KATNIP: variants seen among roughly 807,000 people sequenced by gnomAD.
The protein encoded by KATNIP is katanin-interacting protein.
KATNIP carries 126 observed loss-of-function variants against 174.0 expected under a neutral mutation model. The ratio of observed to expected loss-of-function variants is 0.72; its 90% CI spans 0.63 to 0.84. The LOEUF is 0.84. KATNIP is among the 40% of genes least tolerant of loss of function. The pLI is 0.00. For synonymous variants in KATNIP, 810 were observed against 835.7 expected, an observed-to-expected ratio of 0.97 and a Z score of 0.53; for missense variants, 1,958 against 2,109.7, an observed-to-expected ratio of 0.93 and a Z score of 1.41.
intron 20 of KATNIP, among the ~76,000 whole-genome samples, chr16:27,767,425 G>A (rs1399770464): frequency 6.6e-6 from 1 of 152,140 alleles, no homozygotes; most frequent in Non-Finnish European, 1.5e-5. Context: ...AGGGCCTTAG[G>A]AATTGTATCA....
intron 1 of KATNIP, among the ~76,000 whole-genome samples, chr16:27,565,141 C>G (rs777016981): frequency 7.9e-5 from 12 of 151,570 alleles, no homozygotes; most frequent in Non-Finnish European, 1.3e-4. Flanking sequence ...AAAGAAGTCC[C>G]CTCAAAACGG....
At chr16:27,769,150 G>A (rs552714166) in intron 20 of KATNIP, among the ~76,000 whole-genome samples, 9 of 152,360 alleles carry the variant, frequency 5.9e-5, no homozygotes, top group Admixed American at 5.9e-4. Context: ...CAAGCTCTTA[G>A]AAAGCATCTG....
rs2090985063 is a variant in KATNIP, at chr16:27,588,446, A to G, written c.63+14490A>G. ...TCCCCTCCCAGTTAATACCTCTCCAAGGATAACCACTATTTTGACTGTTTT... is the reference window on the plus strand; with the variant it reads ...TCCCCTCCCAGTTAATACCTCTCCAGGGATAACCACTATTTTGACTGTTTT... On this transcript the variant is annotated intron_variant, in intron 2 of 27. Transcript: ENST00000261588. 2.0e-5 allele frequency among the ~76,000 whole-genome samples: 3 copies of G among 152,014 alleles called. No homozygotes were observed. In the South Asian group the frequency reaches 6.2e-4, roughly 32 times the overall value.
At chr16:27,770,458 G>A (rs984413467) in intron 21 of KATNIP, among the ~76,000 whole-genome samples, 6 of 152,222 alleles carry the variant, frequency 3.9e-5, no homozygotes, top group African/African-American at 1.4e-4. Flanking sequence ...AGTTCATAAC[G>A]ATTTGTAAAT....
intron 8 of KATNIP, among the ~76,000 whole-genome samples, chr16:27,689,080 C>T (rs1213792318): frequency 6.6e-6 from 1 of 152,182 alleles, no homozygotes; most frequent in Admixed American, 6.5e-5. Context: ...ATCATAGTGC[C>T]AGGTAGACAA....
intron 6 of KATNIP, among the ~76,000 whole-genome samples, chr16:27,675,681 T>C (rs1247325186): frequency 6.6e-6 from 1 of 152,228 alleles, no homozygotes; most frequent in Admixed American, 6.5e-5. Flanking sequence ...TTGGGGAGTC[T>C]GACAACCTTT....
chr16:27,680,840 G>T (rs187479018), intron 7 of KATNIP, among the ~76,000 whole-genome samples: 9 of 152,178 alleles, frequency 5.9e-5, no homozygotes, highest in Non-Finnish European at 1.3e-4. Flanking sequence ...GATTACAGGT[G>T]CTTGCCACCG....
chr16:27,678,673 A>C (rs1165890639), intron 7 of KATNIP, among the ~76,000 whole-genome samples: 1 of 152,166 alleles, frequency 6.6e-6, no homozygotes, highest in East Asian at 1.9e-4. Flanking sequence ...GCTGTCTTGG[A>C]TTGGATCACC....
chr16:27,638,101 T>A (rs2076688787), intron 5 of KATNIP, among the ~76,000 whole-genome samples: 1 of 152,154 alleles, frequency 6.6e-6, no homozygotes, highest in Non-Finnish European at 1.5e-5. Context: ...ACAGTCTGAA[T>A]CTCTCAGCTC....
rs1400953147 is a variant in KATNIP, at chr16:27,754,158, C to G, written c.3553-15C>G. ...AACCACCCCCTTTTCCTCTGCTTCTCCAACCCATGTGCAGATCCCGGAGCT... is the reference window on the plus strand; with the variant it reads ...AACCACCCCCTTTTCCTCTGCTTCTGCAACCCATGTGCAGATCCCGGAGCT... On this transcript the variant is annotated splice_polypyrimidine_tract_variant and intron_variant, in intron 17 of 27. Transcript: ENST00000261588. 2 of 1,612,570 alleles carry G rather than the reference C, an allele frequency of 1.2e-6. No individual in the cohort carries two copies. The highest frequency in any genetic ancestry group is 2.2e-5 in the South Asian group (2 of 91,010).
At chr16:27,555,156 C>G (rs1177805208) in intron 1 of KATNIP, among the ~76,000 whole-genome samples, 1 of 152,076 alleles carries the variant, frequency 6.6e-6, no homozygotes. Flanking sequence ...TGAAGCATAC[C>G]TTATTGTGAT....
chr16:27,713,763 A>T (rs1457756065), intron 13 of KATNIP, among the ~76,000 whole-genome samples: 1 of 25,898 alleles, frequency 3.9e-5, no homozygotes, highest in East Asian at 1.2e-3. Flanking sequence ...ATGTGTGTGT[A>T]TATGTATATA....
intron 2 of KATNIP, among the ~76,000 whole-genome samples, chr16:27,591,419 G>A (rs2075161495): frequency 6.6e-6 from 1 of 151,920 alleles, no homozygotes; most frequent in South Asian, 2.1e-4. Context: ...TTTTGACCTC[G>A]TGATCCACCC....
At chr16:27,656,178 C>A (rs1309491976) in intron 6 of KATNIP, among the ~76,000 whole-genome samples, 4 of 152,094 alleles carry the variant, frequency 2.6e-5, no homozygotes, top group Non-Finnish European at 4.4e-5. Flanking sequence ...ATCATCCCAG[C>A]CCTTTGGGAG....
chr16:27,645,164 C>T (rs542997420), intron 5 of KATNIP, among the ~76,000 whole-genome samples: 1 of 152,318 alleles, frequency 6.6e-6, no homozygotes, highest in East Asian at 1.9e-4. Context: ...CCGAATGAAA[C>T]ATACACCTGA....
chr16:27,594,963 C>G (rs1385259891), intron 2 of KATNIP, among the ~76,000 whole-genome samples: 1 of 152,068 alleles, frequency 6.6e-6, no homozygotes, highest in African/African-American at 2.4e-5. Flanking sequence ...AAAGAGGAGT[C>G]CAGAGGAGGA....
At position 27,577,087 on chromosome 16, in the gene KATNIP, A is replaced by G. The variant is rs569027716; in HGVS notation, c.63+3131A>G. Among the ~76,000 whole-genome samples, 49 of 152,320 alleles carry G rather than the reference A, an allele frequency of 3.2e-4. No individual in the cohort carries two copies. The South Asian group carries it at 4.6e-3, about 14-fold the overall frequency. On this transcript the variant is annotated intron_variant, in intron 2 of 27. Transcript: ENST00000261588. ...TCACCAGGCCAAATTCAGCCCAAAG[A>G]TATGTTGTATCTAGCTCGTACCCTG...
At chr16:27,694,827 A>T (rs2078861046) in intron 8 of KATNIP, among the ~76,000 whole-genome samples, 1 of 143,288 alleles carries the variant, frequency 7.0e-6, no homozygotes, top group Admixed American at 7.1e-5. Context: ...ATAAATTTAC[A>T]TATCCAGCCT....
rs147851828 is a variant in KATNIP at position 27,666,960 on chromosome 16, T to G, written c.541-10769T>G. On this transcript the variant is annotated intron_variant, in intron 6 of 27. Transcript: ENST00000261588. ...AGATTGTAGATTCCGTAAGTCTGTC[T>G]TGTTCATCACTCCATCCCTAGCACC... 3.0e-4 allele frequency among the ~76,000 whole-genome samples: 45 copies of G among 152,310 alleles called. No individual in the cohort carries two copies. The East Asian group carries it at 8.7e-3, about 29-fold the overall frequency.
Sources: gnomAD v4.1 joint callset for allele counts (sites outside exome capture counted in the v4.1 genomes callset) on GRCh38, gnomAD v4.1.1 for gene constraint, MANE v1.5 for transcripts, NCBI Gene and HGNC (gene_info 2026-07-23, HGNC 2026-07-21) for gene names.